The following DIAPH3 variants were observed in gnomAD, a reference collection of about 807,000 sequenced individuals.
DIAPH3 encodes diaphanous related formin 3.
Under a neutral mutation model 144.3 loss-of-function variants are expected in DIAPH3, and 117 were observed. The ratio of observed to expected loss-of-function variants is 0.81; its 90% CI spans 0.70 to 0.95. The LOEUF (loss-of-function observed/expected upper bound fraction) is 0.95. Among genes scored for constraint, DIAPH3 ranks in the 40% least tolerant of loss-of-function variants. The probability of loss-of-function intolerance (pLI) is 0.00; values close to 1 mark genes in which losing one functional copy is unlikely to be tolerated. For synonymous variants in DIAPH3, 519 were observed against 488.9 expected (o/e 1.06, Z -0.81); for missense variants, 1,421 against 1,412.7 (o/e 1.01, Z -0.09).
At chr13:59,814,725 T>G (rs2139588114) in intron 24 of DIAPH3, among the ~76,000 whole-genome samples, 1 of 152,326 alleles carries the variant, frequency 6.6e-6, no homozygotes, top group Non-Finnish European at 1.5e-5. Context: ...CTTGACCTTG[T>G]TTTATATTTA....
chr13:60,072,981 A>G (rs779270184), intron 4 of DIAPH3, among the ~76,000 whole-genome samples: 2 of 152,260 alleles, frequency 1.3e-5, no homozygotes, highest in Non-Finnish European at 2.9e-5. Flanking sequence ...ATTTTCTACA[A>G]TGATAATATA....
At chr13:60,094,156 A>G (rs1449462134) in intron 3 of DIAPH3, among the ~76,000 whole-genome samples, 1 of 152,242 alleles carries the variant, frequency 6.6e-6, no homozygotes, top group Non-Finnish European at 1.5e-5. Flanking sequence ...TAAATAAACC[A>G]ACCAATTTTC....
At chr13:59,874,373 G>T (rs1792738653) in intron 21 of DIAPH3, among the ~76,000 whole-genome samples, 1 of 152,266 alleles carries the variant, frequency 6.6e-6, no homozygotes, top group Non-Finnish European at 1.5e-5. Context: ...AATGTTTGTT[G>T]CTGTTTCTAT....
intron 4 of DIAPH3, among the ~76,000 whole-genome samples, chr13:60,075,654 C>T (rs980402135): frequency 6.6e-6 from 1 of 152,146 alleles, no homozygotes; most frequent in Non-Finnish European, 1.5e-5. Flanking sequence ...CAGTGTGAAC[C>T]TCACTCAAAG....
intron 4 of DIAPH3, among the ~76,000 whole-genome samples, chr13:60,069,337 T>TG (rs2057106591): frequency 6.6e-6 from 1 of 152,172 alleles, no homozygotes. Flanking sequence ...GGTTGTTTTT[T>TG]GCTTGTTGAT....
At chr13:60,055,037 A>T (rs981832778) in intron 4 of DIAPH3, among the ~76,000 whole-genome samples, 2 of 151,946 alleles carry the variant, frequency 1.3e-5, no homozygotes, top group Admixed American at 1.3e-4. Context: ...TTGGCTTTTT[A>T]AAAAAACATT....
At chr13:59,729,369 C>G (rs2035766641) in intron 27 of DIAPH3, among the ~76,000 whole-genome samples, 1 of 151,946 alleles carries the variant, frequency 6.6e-6, no homozygotes, top group Admixed American at 6.6e-5. Flanking sequence ...GAATAATGAC[C>G]AGAAAGAACT....
intron 20 of DIAPH3, among the ~76,000 whole-genome samples, chr13:59,882,585 A>AG (rs1438266529): frequency 6.6e-6 from 1 of 152,194 alleles, no homozygotes; most frequent in Admixed American, 6.5e-5. Flanking sequence ...TGACTTGTCT[A>AG]AGACTAAGTG....
Position 60,163,905 on chromosome 13 carries a change from G to C in DIAPH3, c.-139C>G. ...AGCACAGCCTAGCCCAACCGCTGAAGTCGGGGCCGCAGCCAACACATCTGA... is the reference window on the plus strand; with the variant it reads ...AGCACAGCCTAGCCCAACCGCTGAACTCGGGGCCGCAGCCAACACATCTGA... On this transcript the variant is annotated 5_prime_UTR_variant, in exon 1 of 28. Transcript: ENST00000400324. 8.9e-7 allele frequency: 1 copy of C among 1,128,946 alleles called. No homozygotes were observed. The highest frequency in any genetic ancestry group is 1.6e-5 in the South Asian group (1 of 62,414). 69.9% of individuals were successfully genotyped at this position (1,128,946 alleles called of 1,614,324 possible).
rs1173120634 is a variant in DIAPH3 at position 59,866,353 on chromosome 13, C to A, written c.2608-4817G>T. ...ATTGGAACACATGTCTGTGTGAATA[C>A]AAAGCTCTTATCCACTATAAAATAT... On this transcript the variant is annotated intron_variant, in intron 21 of 27. Coordinates refer to ENST00000400324, the MANE Select transcript of DIAPH3 (RefSeq NM_001042517.2). Among the ~76,000 whole-genome samples the A allele has an allele frequency of 3.3e-5, 5 of 152,142 alleles. No homozygotes were observed. The East Asian group carries it at 9.6e-4, about 29-fold the overall frequency.
chr13:59,998,561 T>C (rs2052345468), intron 9 of DIAPH3, among the ~76,000 whole-genome samples: 2 of 152,112 alleles, frequency 1.3e-5, no homozygotes, highest in Admixed American at 1.3e-4. Context: ...AATGAAGAAA[T>C]GTATTATATA....
intron 27 of DIAPH3, among the ~76,000 whole-genome samples, chr13:59,700,704 T>A (rs1486330838): frequency 1.3e-5 from 2 of 152,118 alleles, no homozygotes; most frequent in African/African-American, 4.8e-5. Context: ...ACACTGGACT[T>A]CATATGGGAA....
chr13:60,033,269 C>G (rs1476922341), intron 5 of DIAPH3, among the ~76,000 whole-genome samples: 1 of 152,198 alleles, frequency 6.6e-6, no homozygotes, highest in Non-Finnish European at 1.5e-5. Flanking sequence ...CCAACCTCTG[C>G]CCATCACCCA....
At chr13:59,952,321 T>G (rs2049142225) in intron 17 of DIAPH3, among the ~76,000 whole-genome samples, 1 of 152,128 alleles carries the variant, frequency 6.6e-6, no homozygotes, top group African/African-American at 2.4e-5. Flanking sequence ...TAGAACTAGA[T>G]AGAGGCCGTA....
In DIAPH3 at chr13:59,795,516, G is replaced by A. The variant is rs533676134; in HGVS notation, c.3163+15272C>T. 9.9e-4 allele frequency among the ~76,000 whole-genome samples: 149 copies of A among 150,142 alleles called. 1 individual carries two copies. Among genetic ancestry groups the A allele is most frequent in the Non-Finnish European group, 5.9e-4 (40 of 67,718 alleles). On this transcript the variant is annotated intron_variant, in intron 25 of 27. Transcript: ENST00000400324. Reference sequence around the variant, plus strand: ...CCCGCCCAGGCTGGAGTGCAGTGGCGTGATCTCAGCTCACTGCGAGCTCCG... The same window carrying A: ...CCCGCCCAGGCTGGAGTGCAGTGGCATGATCTCAGCTCACTGCGAGCTCCG...
intron 5 of DIAPH3, among the ~76,000 whole-genome samples, chr13:60,024,412 A>G (rs1315644625): frequency 6.6e-6 from 1 of 152,000 alleles, no homozygotes; most frequent in Non-Finnish European, 1.5e-5. Flanking sequence ...TACTTCAGTT[A>G]TTGTATTTTT....
At chr13:60,086,032 T>C (rs2057735597) in intron 4 of DIAPH3, among the ~76,000 whole-genome samples, 3 of 152,028 alleles carry the variant, frequency 2.0e-5, no homozygotes, top group African/African-American at 4.8e-5. Context: ...AACTAGTAAA[T>C]AGCAGTTTTT....
intron 6 of DIAPH3, 35 bp downstream of exon 6, chr13:60,016,036 A>C: frequency 3.7e-6 from 6 of 1,610,110 alleles, no homozygotes; most frequent in Non-Finnish European, 5.1e-6. Context: ...CATATGAATG[A>C]TGCTTACTTG....
chr13:59,837,919 T>C (rs183167847), intron 23 of DIAPH3: 1 of 152,216 alleles, frequency 6.6e-6, no homozygotes, highest in East Asian at 1.9e-4. Flanking sequence ...TTTATGATAT[T>C]TCCCGACAGA....
Sources: gnomAD v4.1 joint callset for allele counts (sites outside exome capture counted in the v4.1 genomes callset) on GRCh38, gnomAD v4.1.1 for gene constraint, MANE v1.5 for transcripts, NCBI Gene and HGNC (gene_info 2026-07-23, HGNC 2026-07-21) for gene names.